DCAF1: variants seen among roughly 807,000 people sequenced by gnomAD.
The protein encoded by DCAF1 is DDB1 and CUL4 associated factor 1, also known as DDB1- and CUL4-associated factor 1.
Under a neutral mutation model 128.0 loss-of-function variants are expected in DCAF1, and 15 were observed. The ratio of observed to expected loss-of-function variants is 0.12; its 90% CI spans 0.08 to 0.18. DCAF1 has a LOEUF of 0.18. Ranked by LOEUF, DCAF1 falls within the 10% of genes least tolerant of loss-of-function variation. The pLI, the probability that DCAF1 is intolerant of heterozygous loss-of-function variation, is 1.00. For missense variants in DCAF1, 988 were observed against 1,649.5 expected (o/e 0.60, Z 6.95); for synonymous variants, 610 against 603.0 (o/e 1.01, Z -0.17).
intron 6 of DCAF1, among the ~76,000 whole-genome samples, chr3:51,444,227 T>G (rs1276965391): frequency 6.6e-6 from 1 of 152,010 alleles, no homozygotes; most frequent in Non-Finnish European, 1.5e-5. Context: ...CCCAAAAGGC[T>G]CCATGATCAA....
intron 24 of DCAF1, 62 bp downstream of exon 24, chr3:51,403,081 C>A: frequency 6.5e-7 from 1 of 1,534,690 alleles, no homozygotes. Context: ...GTTGTATGGG[C>A]ACAAAAGAAG....
upstream of DCAF1, among the ~76,000 whole-genome samples, chr3:51,500,437 C>T: frequency 6.6e-6 from 1 of 152,146 alleles, no homozygotes; most frequent in Non-Finnish European, 1.5e-5. Context: ...GGCCATTTGC[C>T]TTATCTTACC....
At chr3:51,465,581 T>C (rs1002098400) in intron 5 of DCAF1, among the ~76,000 whole-genome samples, 1 of 151,840 alleles carries the variant, frequency 6.6e-6, no homozygotes, top group Non-Finnish European at 1.5e-5. Flanking sequence ...CCGTCTCTAC[T>C]AAAAATACAA....
At chr3:51,411,838 G>A (rs557352439) in intron 23 of DCAF1, among the ~76,000 whole-genome samples, 4 of 152,086 alleles carry the variant, frequency 2.6e-5, no homozygotes, top group Admixed American at 6.5e-5. Context: ...GGATGAGTGC[G>A]GTGGCTCATG....
At chr3:51,491,180 C>A (rs924400520) in intron 2 of DCAF1, among the ~76,000 whole-genome samples, 1 of 151,270 alleles carries the variant, frequency 6.6e-6, no homozygotes, top group African/African-American at 2.4e-5. Flanking sequence ...AAACCCCATC[C>A]CCAGTAAAAA....
chr3:51,477,698 C>T (rs1705651969), intron 3 of DCAF1, among the ~76,000 whole-genome samples: 1 of 152,068 alleles, frequency 6.6e-6, no homozygotes, highest in South Asian at 2.1e-4. Flanking sequence ...GCAAGTAAAT[C>T]TGAGAATGTC....
intron 24 of DCAF1, 23 bp from the exon 25 acceptor site, chr3:51,398,850 G>A: frequency 6.4e-7 from 1 of 1,572,184 alleles, no homozygotes; most frequent in Non-Finnish European, 8.6e-7. Context: ...AAAAGGGAGA[G>A]ACAAGATTAC....
Position 51,490,126 on chromosome 3 carries a change from G to A in DCAF1, c.-8-6290C>T, listed in dbSNP as rs143906916. 3.8e-4 allele frequency among the ~76,000 whole-genome samples: 58 copies of A among 152,180 alleles called. 1 individual carries two copies. In the East Asian group the frequency reaches 0.01, roughly 27 times the overall value. On this transcript the variant is annotated intron_variant, in intron 2 of 24. Coordinates refer to ENST00000684031, the MANE Select transcript of DCAF1 (RefSeq NM_001387579.1). The stretch of plus-strand genomic sequence containing the variant: ...AATTAGAAACAAATTTAATTTAAAA[G>A]GCACAAGGCCGGGAAGGGTGGCTCA...
chr3:51,415,363 T>G (rs782504474), intron 18 of DCAF1, among the ~76,000 whole-genome samples: 2 of 152,056 alleles, frequency 1.3e-5, no homozygotes, highest in Non-Finnish European at 2.9e-5. Context: ...GGTGTGATGG[T>G]GCTCGCCTGT....
Position 51,411,787 on chromosome 3 carries a change from G to A in DCAF1, c.4212+592C>T, listed in dbSNP as rs76473407. Among the ~76,000 whole-genome samples, 1,451 of 152,060 alleles carry A rather than the reference G, an allele frequency of 9.5e-3. 29 individuals carry two copies. The highest frequency in any genetic ancestry group is 0.033 in the African/African-American group (1,359 of 41,478). ...GGAGATGCTTATCTGAAGCCAGAAC[G>A]GGGCACAAAGAAATCTCTGAATGAA... On this transcript the variant is annotated intron_variant, in intron 23 of 24. Coordinates refer to ENST00000684031, the MANE Select transcript of DCAF1 (RefSeq NM_001387579.1).
chr3:51,431,367 A>C (rs565339210), intron 10 of DCAF1, among the ~76,000 whole-genome samples: 185 of 151,598 alleles, frequency 1.2e-3, no homozygotes, highest in Non-Finnish European at 2.1e-3. Flanking sequence ...AAAAAAAAAA[A>C]AAATTAGCCA....
chr3:51,472,918 G>A (rs1189127129), intron 3 of DCAF1, among the ~76,000 whole-genome samples: 1 of 150,790 alleles, frequency 6.6e-6, no homozygotes, highest in African/African-American at 2.4e-5. Flanking sequence ...GCCCGCCTCA[G>A]CCTCCTAAAA....
chr3:51,499,856 C>T lies in DCAF1; in HGVS notation c.-56+17G>A, dbSNP rs1409624886. On this transcript the variant is annotated intron_variant, in intron 1 of 24. Transcript: ENST00000684031. ...GCGCCCCTCCCGTAGAGTCGCCTCC[C>T]TCCATTTCCCACTCACCGTCCGAGG... is the stretch of plus-strand genomic sequence containing the variant. 1 of 152,268 alleles carries T rather than the reference C, an allele frequency of 6.6e-6. No homozygotes were observed. Among genetic ancestry groups the T allele is most frequent in the Non-Finnish European group, 1.5e-5 (1 of 68,196 alleles). 9.4% of individuals were successfully genotyped at this position (152,268 alleles called of 1,614,324 possible).
intron 3 of DCAF1, among the ~76,000 whole-genome samples, chr3:51,473,373 C>A (rs1258647575): frequency 6.7e-6 from 1 of 150,100 alleles, no homozygotes; most frequent in East Asian, 1.9e-4. Flanking sequence ...CATGCTCTGT[C>A]CTAAATCAAA....
At chr3:51,426,273 G>C (rs1553634051) in intron 13 of DCAF1, among the ~76,000 whole-genome samples, 1 of 151,828 alleles carries the variant, frequency 6.6e-6, no homozygotes. Flanking sequence ...ACAGTGGCGT[G>C]ATCTCAGCTC....
At chr3:51,494,793 A>G (rs569652156) in intron 2 of DCAF1, among the ~76,000 whole-genome samples, 5 of 152,254 alleles carry the variant, frequency 3.3e-5, no homozygotes, top group Middle Eastern at 3.4e-3. Context: ...GCTGGGCTCA[A>G]GCAATCCTCT....
chr3:51,488,114 C>T (rs113846013), intron 2 of DCAF1, among the ~76,000 whole-genome samples: 1 of 152,044 alleles, frequency 6.6e-6, no homozygotes, highest in Non-Finnish European at 1.5e-5. Context: ...ACCCGCCTGC[C>T]TCGGCATCCC....
chr3:51,474,946 G>A (rs1423550324), intron 3 of DCAF1, among the ~76,000 whole-genome samples: 11 of 151,744 alleles, frequency 7.2e-5, no homozygotes, highest in African/African-American at 2.2e-4. Context: ...CACCATGCCC[G>A]GCTAACTTTT....
chr3:51,441,925 G>T, intron 7 of DCAF1, 28 bp from the exon 8 acceptor site: 1 of 1,555,138 alleles, frequency 6.4e-7, no homozygotes, highest in Non-Finnish European at 8.6e-7. Flanking sequence ...GAGAAAAAGG[G>T]GGTGCCTCTT....
Sources: allele counts gnomAD v4.1 joint callset (sites outside exome capture counted in the v4.1 genomes callset), GRCh38; gene constraint gnomAD v4.1.1; transcripts MANE v1.5; gene names NCBI Gene and HGNC (gene_info 2026-07-23, HGNC 2026-07-21).